Variants in NCOA1 observed in about 807,000 individuals in gnomAD.
NCOA1 encodes the protein nuclear receptor coactivator 1.
In NCOA1, 35 loss-of-function variants were observed where a neutral mutation model predicts 150.9. That is an observed-to-expected ratio of 0.23 (90% CI 0.18 to 0.31). The LOEUF (loss-of-function observed/expected upper bound fraction) is 0.31. Ranked by LOEUF, NCOA1 falls within the 10% of genes least tolerant of loss-of-function variation. The probability of loss-of-function intolerance (pLI) is 1.00; values close to 1 mark genes in which losing one functional copy is unlikely to be tolerated. For missense variants in NCOA1, 1,491 were observed against 1,749.3 expected (o/e 0.85, Z 2.63); for synonymous variants, 590 against 630.0 (o/e 0.94, Z 0.95).
At chr2:24,740,910 A>G (rs1033621940) in intron 18 of NCOA1, among the ~76,000 whole-genome samples, 12 of 152,190 alleles carry the variant, frequency 7.9e-5, no homozygotes, top group African/African-American at 2.9e-4. Context: ...CTTTATTGAT[A>G]TGCCATGTTA....
At chr2:24,511,000 C>T (rs1403040832) in intron 1 of NCOA1, among the ~76,000 whole-genome samples, 1 of 152,112 alleles carries the variant, frequency 6.6e-6, no homozygotes, top group Non-Finnish European at 1.5e-5. Context: ...GCAGTGTCTC[C>T]CCATTCCTCC....
At chr2:24,756,427 T>C (rs1012915083) in intron 20 of NCOA1, among the ~76,000 whole-genome samples, 1 of 152,142 alleles carries the variant, frequency 6.6e-6, no homozygotes, top group African/African-American at 2.4e-5. Flanking sequence ...TATAATTACT[T>C]GGGGGAAAAT....
intron 1 of NCOA1, among the ~76,000 whole-genome samples, chr2:24,558,805 T>C (rs2148246668): frequency 6.6e-6 from 1 of 152,310 alleles, no homozygotes; most frequent in Admixed American, 6.5e-5. Context: ...ATGATCTAAT[T>C]GGATCTTGCG....
chr2:24,584,754 TCA>T (rs1403426613), intron 3 of NCOA1, among the ~76,000 whole-genome samples, 194 bp downstream of exon 3: 1 of 133,278 alleles, frequency 7.5e-6, no homozygotes, highest in Admixed American at 7.3e-5. Context: ...GTAGATCTTT[TCA>T]CAAACATTCA....
intron 3 of NCOA1, among the ~76,000 whole-genome samples, chr2:24,638,320 TTTTATGGCTGAATAGTACTCTG>T (rs1385637562): frequency 5.9e-5 from 9 of 152,074 alleles, no homozygotes; most frequent in African/African-American, 1.9e-4. Context: ...TTTCATTCTT[TTTTATGGCTGAATAGTACTCTG>T]TTGTGTATCT....
intron 14 of NCOA1, among the ~76,000 whole-genome samples, chr2:24,722,031 A>G (rs1381612079): frequency 6.6e-6 from 1 of 152,322 alleles, no homozygotes; most frequent in African/African-American, 2.4e-5. Context: ...TATAAGTGAT[A>G]TATCTGCCAC....
Position 24,573,364 on chromosome 2 carries a change from T to G in NCOA1, c.-260+8934T>G, listed in dbSNP as rs560976488. Among the ~76,000 whole-genome samples the G allele has an allele frequency of 2.0e-3, 309 of 152,276 alleles. 2 individuals carry two copies. Among genetic ancestry groups the G allele is most frequent in the African/African-American group, 7.0e-3 (291 of 41,574 alleles). The stretch of plus-strand genomic sequence containing the variant: ...TAAAGTTTTTGAGAATTTTTAACAT[T>G]TCTTGAAATTAGAAATTCCTTACAT... On this transcript the variant is annotated intron_variant, in intron 2 of 22. Transcript: ENST00000348332.
At chr2:24,518,507 A>T (rs1016250995) in intron 1 of NCOA1, among the ~76,000 whole-genome samples, 2 of 152,150 alleles carry the variant, frequency 1.3e-5, no homozygotes, top group Non-Finnish European at 2.9e-5. Context: ...GAAGTAAAAA[A>T]AAAAGAAATA....
rs1254347712 is a variant in NCOA1, at chr2:24,547,960, G to T, written c.-395-16335G>T. Among the ~76,000 whole-genome samples the T allele has an allele frequency of 3.3e-5, 4 of 122,916 alleles. No homozygotes were observed. In the Admixed American group the frequency reaches 4.4e-4, roughly 14 times the overall value. The allele number at this position is 122,916 out of a possible 152,430, so 80.6% of individuals were successfully genotyped here. A position where few individuals can be genotyped will look rare whatever the true frequency, so the allele number is the denominator to read the frequency against. On this transcript the variant is annotated intron_variant, in intron 1 of 22. Transcript: ENST00000348332. ...GCCGAGATCGCACCACTGAACTCCA[G>T]CCTGGGCAACAGAGTGAGACTCTGT...
chr2:24,508,147 T>G (rs1663783532), intron 1 of NCOA1, among the ~76,000 whole-genome samples: 1 of 152,232 alleles, frequency 6.6e-6, no homozygotes, highest in African/African-American at 2.4e-5. Context: ...ATTGATGGTG[T>G]TAGCTTTCTT....
chr2:24,737,851 A>G (rs1663402783), intron 17 of NCOA1, among the ~76,000 whole-genome samples: 1 of 152,174 alleles, frequency 6.6e-6, no homozygotes, highest in South Asian at 2.1e-4. Context: ...GTAACCTCCA[A>G]ACTTTATACA....
chr2:24,565,065 A>G (rs894217009), intron 2 of NCOA1, among the ~76,000 whole-genome samples: 3 of 152,176 alleles, frequency 2.0e-5, no homozygotes, highest in South Asian at 4.1e-4. Flanking sequence ...TCCCTGTAGG[A>G]CCTTTGGGAT....
At chr2:24,576,149 G>GTTTTTTTTTGTTTGTT (rs1666947727) in intron 2 of NCOA1, among the ~76,000 whole-genome samples, 4 of 94,024 alleles carry the variant, frequency 4.3e-5, no homozygotes, top group African/African-American at 1.8e-4. Flanking sequence ...TTTGGCCTTT[G>GTTTTTTTTTGTTTGTT]TTTTTTTTTT....
At chr2:24,555,220 A>G (rs373026538) in intron 1 of NCOA1, among the ~76,000 whole-genome samples, 1 of 152,152 alleles carries the variant, frequency 6.6e-6, no homozygotes, top group African/African-American at 2.4e-5. Context: ...TGTTTAACCC[A>G]TGGAGTATTT....
At chr2:24,625,098 G>A (rs1404479297) in intron 3 of NCOA1, among the ~76,000 whole-genome samples, 1 of 152,082 alleles carries the variant, frequency 6.6e-6, no homozygotes, top group African/African-American at 2.4e-5. Flanking sequence ...AAACAAATGA[G>A]TGTGACTATT....
intron 1 of NCOA1, among the ~76,000 whole-genome samples, chr2:24,544,717 T>A (rs1454137619): frequency 6.6e-6 from 1 of 152,044 alleles, no homozygotes; most frequent in African/African-American, 2.4e-5. Flanking sequence ...CCTCCCTGGG[T>A]GACAGAATGA....
Position 24,683,098 on chromosome 2 carries a change from T to G in NCOA1, c.502T>G (p.Phe168Val). The change falls in exon 8 of 23, where the codon TTT becomes GTT. Residue 168 changes from phenylalanine (F) to valine (V), a missense_variant. Transcript: ENST00000348332. ...ACTGCACGTGGGGGATCATGCAGAA[T>G]TTGTGAAGAATCTGCTACCAAAATC... The part of the protein sequence containing the change: ...SILHVGDHAE[F>V]VKNLLPKSLV... 4 of 1,576,198 alleles carry G rather than the reference T, an allele frequency of 2.5e-6. No homozygotes were observed. The highest frequency in any genetic ancestry group is 3.4e-6 in the Non-Finnish European group (4 of 1,167,244).
At chr2:24,747,531 A>G (rs1663995924) in intron 19 of NCOA1, among the ~76,000 whole-genome samples, 2 of 151,366 alleles carry the variant, frequency 1.3e-5, no homozygotes, top group African/African-American at 4.9e-5. Context: ...GTCTCACTAC[A>G]TTGTCCAGGC....
chr2:24,693,128 A>G lies in NCOA1; in HGVS notation c.713-124A>G, dbSNP rs1672744652. ...CTCGGCCTCCCAAAGTGCTGGGATT[A>G]CAGGCGTGAGCCACCACGTCTGGCC... is the stretch of plus-strand genomic sequence containing the variant. On this transcript the variant is annotated intron_variant, in intron 9 of 22. Coordinates refer to ENST00000348332, the MANE Select transcript of NCOA1 (RefSeq NM_003743.5). The G allele has an allele frequency of 1.3e-5, 11 of 844,662 alleles. No homozygotes were observed. The Admixed American group carries it at 1.5e-4, about 12-fold the overall frequency. The allele number at this position is 844,662 out of a possible 1,614,324, so 52.3% of individuals were successfully genotyped here. A position where few individuals can be genotyped will look rare whatever the true frequency, so the allele number is the denominator to read the frequency against.
Sources: gnomAD v4.1 joint callset for allele counts (sites outside exome capture counted in the v4.1 genomes callset) on GRCh38, gnomAD v4.1.1 for gene constraint, MANE v1.5 for transcripts, NCBI Gene and HGNC (gene_info 2026-07-23, HGNC 2026-07-21) for gene names.